ULK4: variants seen among roughly 807,000 people sequenced by gnomAD.
The protein encoded by ULK4 is unc-51 like kinase 4, also known as inactive serine/threonine-protein kinase ULK4.
In ULK4, 133 loss-of-function variants were observed where a neutral mutation model predicts 160.6. The ratio of observed to expected loss-of-function variants is 0.83; its 90% CI spans 0.72 to 0.96. ULK4 has a LOEUF of 0.96. Ranked by LOEUF, ULK4 falls within the 40% of genes least tolerant of loss-of-function variation. The pLI is 0.00. For missense variants in ULK4, 1,580 were observed against 1,499.5 expected (o/e 1.05, Z -0.89); for synonymous variants, 534 against 539.8 (o/e 0.99, Z 0.15).
At chr3:41,871,669 T>C (rs984704480) in intron 17 of ULK4, among the ~76,000 whole-genome samples, 1 of 152,240 alleles carries the variant, frequency 6.6e-6, no homozygotes, top group Non-Finnish European at 1.5e-5. Context: ...CTCATGTCTT[T>C]TGCCCATTTT....
intron 35 of ULK4, among the ~76,000 whole-genome samples, chr3:41,353,226 C>G (rs1183743888): frequency 6.6e-6 from 1 of 152,184 alleles, no homozygotes; most frequent in Non-Finnish European, 1.5e-5. Flanking sequence ...ACTCTTAGAA[C>G]AAGCAGGAAC....
At chr3:41,822,282 C>T (rs1040488991) in intron 18 of ULK4, among the ~76,000 whole-genome samples, 5 of 152,176 alleles carry the variant, frequency 3.3e-5, no homozygotes, top group Non-Finnish European at 5.9e-5. Flanking sequence ...GAAAAAAGCA[C>T]CTACGGTGCA....
At chr3:41,490,214 G>A (rs7621715) in intron 32 of ULK4, among the ~76,000 whole-genome samples, 62,374 of 151,918 alleles carry the variant, frequency 0.41, 12,981 homozygotes, top group African/African-American at 0.44. Context: ...CATGATTGGG[G>A]CAGCTAATCA....
intron 35 of ULK4, among the ~76,000 whole-genome samples, chr3:41,379,750 T>C (rs1454464399): frequency 6.6e-6 from 1 of 152,132 alleles, no homozygotes; most frequent in African/African-American, 2.4e-5. Flanking sequence ...TCAAAGTAAA[T>C]GTGCACTGAC....
At chr3:41,844,810 A>C in intron 17 of ULK4, among the ~76,000 whole-genome samples, 1 of 147,942 alleles carries the variant, frequency 6.8e-6, no homozygotes, top group African/African-American at 2.5e-5. Context: ...AAAAAAAAAA[A>C]ACAGCAACTA....
chr3:41,506,775 T>TAA (rs2085401734), intron 32 of ULK4, among the ~76,000 whole-genome samples: 1 of 17,620 alleles, frequency 5.7e-5, no homozygotes, highest in Non-Finnish European at 1.5e-4. Flanking sequence ...AAAATATATA[T>TAA]ATATATATAT....
intron 32 of ULK4, among the ~76,000 whole-genome samples, chr3:41,465,112 C>T (rs2083795893): frequency 6.6e-6 from 1 of 152,156 alleles, no homozygotes; most frequent in South Asian, 2.1e-4. Flanking sequence ...AGTGATAACG[C>T]CAGCAAAACC....
At chr3:41,958,714 C>G (rs1286866220) in intron 1 of ULK4, among the ~76,000 whole-genome samples, 1 of 121,526 alleles carries the variant, frequency 8.2e-6, no homozygotes, top group Non-Finnish European at 1.8e-5. Context: ...GAAACTGTCT[C>G]AAAAAAAAAA....
Position 41,291,356 on chromosome 3 carries a change from G to A in ULK4, c.3679-41782C>T, listed in dbSNP as rs529760072. ...AGAAAGAAGGAAGGAAGGAGAAAGA[G>A]AAAGAAAAAGTAAAGAAGAAAGGAA... On this transcript the variant is annotated intron_variant, in intron 35 of 36. Coordinates refer to ENST00000301831, the MANE Select transcript of ULK4 (RefSeq NM_017886.4). Among the ~76,000 whole-genome samples, 9 of 145,196 alleles carry A rather than the reference G, an allele frequency of 6.2e-5. No individual in the cohort carries two copies. In the South Asian group the frequency reaches 1.8e-3, roughly 29 times the overall value.
chr3:41,370,903 TCTTA>T (rs2081351390), intron 35 of ULK4, among the ~76,000 whole-genome samples: 1 of 152,134 alleles, frequency 6.6e-6, no homozygotes, highest in Non-Finnish European at 1.5e-5. Flanking sequence ...GGCTTGAAAT[TCTTA>T]CTGACAGCAC....
intron 35 of ULK4, among the ~76,000 whole-genome samples, chr3:41,346,102 C>T (rs1036966811): frequency 2.6e-5 from 4 of 152,092 alleles, no homozygotes; most frequent in Admixed American, 6.5e-5. Flanking sequence ...AGAAGGACTT[C>T]GTAAGCCACA....
intron 34 of ULK4, among the ~76,000 whole-genome samples, chr3:41,451,049 C>A (rs1439583146): frequency 6.6e-6 from 1 of 152,102 alleles, no homozygotes; most frequent in Admixed American, 6.6e-5. Context: ...GCCCTGAACA[C>A]TGGGTGGCAT....
At chr3:41,785,871 C>A (rs1221535539) in intron 21 of ULK4, among the ~76,000 whole-genome samples, 1 of 152,164 alleles carries the variant, frequency 6.6e-6, no homozygotes, top group African/African-American at 2.4e-5. Flanking sequence ...TTCCTCCCTG[C>A]TGGCTGTGCT....
chr3:41,501,527 AT>A (rs1338280358), intron 32 of ULK4, among the ~76,000 whole-genome samples: 1 of 152,172 alleles, frequency 6.6e-6, no homozygotes, highest in Non-Finnish European at 1.5e-5. Flanking sequence ...AAAAATTAAT[AT>A]TTAAAATTGA....
rs572690161 is a variant in ULK4, at chr3:41,857,845, C to A, written c.1657-21874G>T. ...CATTTCTGATTTTATTTATTTGGAT[C>A]TTCTGGTTTTCTTAGTCTGGCTAAA... On this transcript the variant is annotated intron_variant, in intron 17 of 36. Coordinates refer to ENST00000301831, the MANE Select transcript of ULK4 (RefSeq NM_017886.4). 7.4e-5 allele frequency among the ~76,000 whole-genome samples: 11 copies of A among 149,632 alleles called. No homozygotes were observed. The East Asian group carries it at 2.1e-3, about 29-fold the overall frequency.
chr3:41,647,576 G>C (rs897631397), intron 30 of ULK4, among the ~76,000 whole-genome samples: 1 of 152,172 alleles, frequency 6.6e-6, no homozygotes, highest in Non-Finnish European at 1.5e-5. Context: ...AGGAGTACTG[G>C]GCCGTGTGAG....
At chr3:41,641,387 T>A (rs1036779179) in intron 30 of ULK4, among the ~76,000 whole-genome samples, 2 of 152,132 alleles carry the variant, frequency 1.3e-5, no homozygotes, top group African/African-American at 2.4e-5. Flanking sequence ...TCAAGTGGAA[T>A]AGTTTGCTTC....
chr3:41,934,362 G>C (rs540648081), intron 4 of ULK4, among the ~76,000 whole-genome samples: 2 of 152,262 alleles, frequency 1.3e-5, no homozygotes, highest in African/African-American at 4.8e-5. Context: ...TTCTCATACA[G>C]ATGGCCTGCA....
intron 16 of ULK4, among the ~76,000 whole-genome samples, chr3:41,887,455 C>T (rs1019337220): frequency 7.2e-5 from 11 of 152,174 alleles, no homozygotes; most frequent in Non-Finnish European, 1.6e-4. Flanking sequence ...ATACAGGACT[C>T]ATTTTGATGT....
Sources: allele counts gnomAD v4.1 joint callset (sites outside exome capture counted in the v4.1 genomes callset), GRCh38; gene constraint gnomAD v4.1.1; transcripts MANE v1.5; gene names NCBI Gene and HGNC (gene_info 2026-07-23, HGNC 2026-07-21).